The following SLC35F3 variants were observed in gnomAD, a reference collection of about 807,000 sequenced individuals.
SLC35F3 encodes putative thiamine transporter SLC35F3.
In SLC35F3, 25 loss-of-function variants were observed where a neutral mutation model predicts 49.9. That is an observed-to-expected ratio of 0.50 (90% CI 0.37 to 0.70). The LOEUF is 0.70. Ranked by LOEUF, SLC35F3 falls within the 30% of genes least tolerant of loss-of-function variation. The pLI, the probability that SLC35F3 is intolerant of heterozygous loss-of-function variation, is 0.00. For synonymous variants in SLC35F3, 275 were observed against 265.4 expected (o/e 1.04, Z -0.35); for missense variants, 525 against 639.8 (o/e 0.82, Z 1.94).
At chr1:234,119,127 G>A (rs1454767017) in intron 2 of SLC35F3, among the ~76,000 whole-genome samples, 1 of 152,060 alleles carries the variant, frequency 6.6e-6, no homozygotes, top group East Asian at 1.9e-4. Context: ...CTTTCCATAA[G>A]AGAGGCAGAA....
chr1:234,074,513 A>G (rs1030193035), intron 2 of SLC35F3, among the ~76,000 whole-genome samples: 1 of 152,218 alleles, frequency 6.6e-6, no homozygotes, highest in Non-Finnish European at 1.5e-5. Flanking sequence ...TCAGTGCCCA[A>G]GTAGGTGGAA....
intron 3 of SLC35F3, among the ~76,000 whole-genome samples, chr1:234,277,725 G>C (rs1403447298): frequency 6.6e-6 from 1 of 152,120 alleles, no homozygotes; most frequent in African/African-American, 2.4e-5. Flanking sequence ...AAGTAGAAAT[G>C]GTATGCCTGC....
intron 2 of SLC35F3, among the ~76,000 whole-genome samples, chr1:233,974,923 A>C (rs961675817): frequency 2.0e-5 from 3 of 152,248 alleles, no homozygotes; most frequent in African/African-American, 7.2e-5. Context: ...ATCAGATTCT[A>C]ACCTGTGCAT....
intron 2 of SLC35F3, among the ~76,000 whole-genome samples, chr1:234,178,727 C>T (rs1666514508): frequency 6.7e-6 from 1 of 150,246 alleles, no homozygotes; most frequent in South Asian, 2.1e-4. Flanking sequence ...TGTCAGCATC[C>T]CCCATTGGTG....
chr1:234,310,446 G>A (rs1036055813), intron 4 of SLC35F3, among the ~76,000 whole-genome samples: 1 of 152,190 alleles, frequency 6.6e-6, no homozygotes, highest in African/African-American at 2.4e-5. Context: ...GCTCGCAGTA[G>A]GGGGAAAATT....
At chr1:234,229,900 C>T (rs191986527) in intron 2 of SLC35F3, among the ~76,000 whole-genome samples, 16 of 152,282 alleles carry the variant, frequency 1.1e-4, no homozygotes, top group Admixed American at 5.2e-4. Context: ...AGGGCATAAG[C>T]GCGCAGATCC....
intron 2 of SLC35F3, among the ~76,000 whole-genome samples, chr1:234,082,774 A>G (rs1664899383): frequency 6.6e-6 from 1 of 152,182 alleles, no homozygotes; most frequent in Non-Finnish European, 1.5e-5. Flanking sequence ...AACCCTTTAT[A>G]AAAACATCAG....
At chr1:234,165,959 T>C (rs1405966266) in intron 2 of SLC35F3, among the ~76,000 whole-genome samples, 2 of 152,222 alleles carry the variant, frequency 1.3e-5, no homozygotes, top group Non-Finnish European at 2.9e-5. Flanking sequence ...TATTTGGTTT[T>C]CCATTCCTGA....
At chr1:233,923,549 T>C (rs1361338553) in intron 2 of SLC35F3, among the ~76,000 whole-genome samples, 14 of 152,228 alleles carry the variant, frequency 9.2e-5, no homozygotes, top group Non-Finnish European at 2.1e-4. Flanking sequence ...GATTTTGGGC[T>C]GAGACAGTGG....
At chr1:234,276,202 A>G (rs184651440) in intron 3 of SLC35F3, among the ~76,000 whole-genome samples, 1 of 152,332 alleles carries the variant, frequency 6.6e-6, no homozygotes, top group Admixed American at 6.5e-5. Context: ...GCCAGTCTGT[A>G]AAGAGAAATG....
chr1:234,269,652 C>T (rs560956381), intron 3 of SLC35F3, among the ~76,000 whole-genome samples: 65 of 152,204 alleles, frequency 4.3e-4, no homozygotes, highest in Non-Finnish European at 7.2e-4. Context: ...CCCCATTATT[C>T]GATGCGGGGC....
chr1:234,077,931 C>T (rs1169333552), intron 2 of SLC35F3, among the ~76,000 whole-genome samples: 1 of 152,148 alleles, frequency 6.6e-6, no homozygotes, highest in Non-Finnish European at 1.5e-5. Context: ...GGGTTGCTCC[C>T]CAGAGAATAT....
chr1:234,059,354 T>C (rs1664504038), intron 2 of SLC35F3, among the ~76,000 whole-genome samples: 1 of 152,294 alleles, frequency 6.6e-6, no homozygotes, highest in South Asian at 2.1e-4. Flanking sequence ...CATATTTTTT[T>C]TTCATTTTTT....
chr1:234,268,992 C>T (rs1048261904), intron 3 of SLC35F3, among the ~76,000 whole-genome samples: 17 of 151,874 alleles, frequency 1.1e-4, no homozygotes, highest in African/African-American at 3.6e-4. Context: ...CTATAAAAAA[C>T]GTAAAAGGAA....
At chr1:234,156,308 T>C (rs1421790752) in intron 2 of SLC35F3, among the ~76,000 whole-genome samples, 1 of 152,214 alleles carries the variant, frequency 6.6e-6, no homozygotes, top group Non-Finnish European at 1.5e-5. Context: ...TACAAATTGG[T>C]ACGACCTCTC....
intron 3 of SLC35F3, among the ~76,000 whole-genome samples, chr1:234,281,029 A>G (rs1572132950): frequency 6.6e-6 from 1 of 152,152 alleles, no homozygotes; most frequent in Non-Finnish European, 1.5e-5. Flanking sequence ...AGCCAAGGGC[A>G]TGCCTTCCCA....
intron 2 of SLC35F3, among the ~76,000 whole-genome samples, chr1:233,955,921 T>A (rs946230990): frequency 1.5e-5 from 2 of 129,530 alleles, no homozygotes; most frequent in Non-Finnish European, 3.1e-5. Flanking sequence ...GGTGTCTCGC[T>A]CTCTTGCCCA....
intron 2 of SLC35F3, among the ~76,000 whole-genome samples, chr1:234,158,023 A>T (rs1189514350): frequency 6.6e-6 from 1 of 152,172 alleles, no homozygotes; most frequent in Non-Finnish European, 1.5e-5. Context: ...TCAGCCAGTC[A>T]TCTACTTCCG....
At chr1:233,949,450 A>G (rs1187585477) in intron 2 of SLC35F3, among the ~76,000 whole-genome samples, 1 of 152,180 alleles carries the variant, frequency 6.6e-6, no homozygotes, top group Non-Finnish European at 1.5e-5. Flanking sequence ...AAAACAGTAT[A>G]TTTGCTCAAG....
Sources: allele counts gnomAD v4.1 joint callset (sites outside exome capture counted in the v4.1 genomes callset), GRCh38; gene constraint gnomAD v4.1.1; transcripts MANE v1.5; gene names NCBI Gene and HGNC (gene_info 2026-07-23, HGNC 2026-07-21).